The following ARNT2 variants were observed in gnomAD, a reference collection of about 807,000 sequenced individuals.
ARNT2 encodes the protein ARNT protein 2.
A neutral mutation model predicts 91.7 loss-of-function variants in ARNT2; 36 were observed. The observed-to-expected ratio is 0.39, with a 90% CI of 0.30 to 0.52. The LOEUF is 0.52. ARNT2 is among the 20% of genes least tolerant of loss of function. The pLI, the probability that ARNT2 is intolerant of heterozygous loss-of-function variation, is 0.72. For missense variants in ARNT2, 775 were observed against 939.3 expected, an observed-to-expected ratio of 0.83 and a Z score of 2.29; for synonymous variants, 365 against 347.1, an observed-to-expected ratio of 1.05 and a Z score of -0.57.
chr15:80,470,251 G>A lies in ARNT2; in HGVS notation c.228G>A (p.Arg76=), dbSNP rs758704649. 1.2e-6 allele frequency: 2 copies of A among 1,614,006 alleles called. No individual in the cohort carries two copies. The highest frequency in any genetic ancestry group is 3.3e-5 in the Admixed American group (2 of 59,994). ...ATAGTGAAATCGAAAGGCGCAGACG[G>A]AACAAGATGACTCAGTACATCACGG... The part of the protein sequence containing the change: ...ENHSEIERRR[R]NKMTQYITEL... Residue 76 remains arginine (R), a synonymous_variant, in exon 4 of 19, where the codon CGG becomes CGA. Transcript: ENST00000303329.
intron 12 of ARNT2, among the ~76,000 whole-genome samples, chr15:80,568,140 A>G (rs4778820): frequency 0.29 from 44,203 of 152,156 alleles, 7,511 homozygotes; most frequent in East Asian, 0.69. Flanking sequence ...TGTTCCATCA[A>G]ATATGGAATG....
intron 8 of ARNT2, among the ~76,000 whole-genome samples, chr15:80,544,812 A>T (rs539367140): frequency 6.8e-4 from 104 of 152,346 alleles, no homozygotes; most frequent in Non-Finnish European, 1.1e-3. Flanking sequence ...AGTTTAAATG[A>T]TGGAAGGATG....
chr15:80,581,999 G>A (rs986328782), intron 17 of ARNT2, among the ~76,000 whole-genome samples: 5 of 152,160 alleles, frequency 3.3e-5, no homozygotes, highest in South Asian at 2.1e-4. Context: ...TAAGAGACCC[G>A]TGGTCCTGGT....
intron 6 of ARNT2, among the ~76,000 whole-genome samples, chr15:80,511,751 AG>A (rs1897346098): frequency 6.6e-6 from 1 of 152,128 alleles, no homozygotes; most frequent in Non-Finnish European, 1.5e-5. Flanking sequence ...TTCCTGCCTC[AG>A]GGGGTTGGGG....
intron 1 of ARNT2, among the ~76,000 whole-genome samples, chr15:80,429,215 C>T (rs1170446984): frequency 6.6e-6 from 1 of 152,126 alleles, no homozygotes; most frequent in East Asian, 1.9e-4. Flanking sequence ...GTGGCTGGGG[C>T]CCCTAGACAG....
At chr15:80,530,424 G>T in intron 8 of ARNT2, among the ~76,000 whole-genome samples, 1 of 152,170 alleles carries the variant, frequency 6.6e-6, no homozygotes, top group Non-Finnish European at 1.5e-5. Context: ...GCCGTGTTCT[G>T]TGCTGATCTC....
At chr15:80,502,287 G>A (rs1309214204) in intron 5 of ARNT2, among the ~76,000 whole-genome samples, 1 of 152,214 alleles carries the variant, frequency 6.6e-6, no homozygotes, top group East Asian at 1.9e-4. Flanking sequence ...TGTGGCAGTG[G>A]GCATGGCTGG....
In ARNT2 at chr15:80,450,911, G is replaced by A. The variant is rs745975276; in HGVS notation, c.63G>A (p.Thr21=). 33 of 1,614,080 alleles carry A rather than the reference G, an allele frequency of 2.0e-5. No individual in the cohort carries two copies. Among genetic ancestry groups the A allele is most frequent in the African/African-American group, 6.7e-5 (5 of 74,950 alleles). The stretch of plus-strand genomic sequence containing the variant: ...CTTCAGACATACCTGGATCTGTGAC[G>A]TTGCCCGTTGCCCCCATGGCGGCCA... ...EMASDIPGSV[T]LPVAPMAATG... The change falls in exon 2 of 19, where the codon ACG becomes ACA. Residue 21 remains threonine (T), a synonymous_variant. Coordinates refer to ENST00000303329, the MANE Select transcript of ARNT2 (RefSeq NM_014862.4).
At chr15:80,570,421 G>A (rs1303662262) in intron 12 of ARNT2, among the ~76,000 whole-genome samples, 1 of 152,136 alleles carries the variant, frequency 6.6e-6, no homozygotes, top group Non-Finnish European at 1.5e-5. Context: ...AGGTGACGGT[G>A]CCCCCAAGGT....
chr15:80,435,561 T>G (rs919826122), intron 1 of ARNT2, among the ~76,000 whole-genome samples: 4 of 152,046 alleles, frequency 2.6e-5, no homozygotes, highest in Non-Finnish European at 5.9e-5. Flanking sequence ...CCATGCACAT[T>G]GCTGACCCCA....
At chr15:80,461,419 G>T (rs1056111823) in intron 3 of ARNT2, among the ~76,000 whole-genome samples, 6 of 152,228 alleles carry the variant, frequency 3.9e-5, no homozygotes, top group Admixed American at 3.9e-4. Flanking sequence ...CCGGAGGAGT[G>T]AGAAGAGAAT....
At chr15:80,408,289 T>G (rs1250688552) in intron 1 of ARNT2, among the ~76,000 whole-genome samples, 3 of 152,160 alleles carry the variant, frequency 2.0e-5, no homozygotes, top group Admixed American at 2.0e-4. Flanking sequence ...CTCAGGGGGT[T>G]CTAAGTCTAC....
intron 5 of ARNT2, among the ~76,000 whole-genome samples, chr15:80,486,502 G>A (rs926343116): frequency 3.9e-5 from 6 of 152,174 alleles, no homozygotes; most frequent in South Asian, 4.1e-4. Flanking sequence ...TGGTGGCCTC[G>A]TTGGTGCCTC....
intron 3 of ARNT2, among the ~76,000 whole-genome samples, chr15:80,461,006 T>G (rs1318185232): frequency 6.6e-6 from 1 of 152,148 alleles, no homozygotes; most frequent in Non-Finnish European, 1.5e-5. Flanking sequence ...GAGGGATTAA[T>G]TCTCGTGGCT....
intron 8 of ARNT2, among the ~76,000 whole-genome samples, chr15:80,531,239 G>A (rs1387050975): frequency 2.0e-5 from 3 of 152,236 alleles, no homozygotes; most frequent in Non-Finnish European, 2.9e-5. Flanking sequence ...CTGAGTGTTT[G>A]CACAGGGTTA....
intron 1 of ARNT2, among the ~76,000 whole-genome samples, chr15:80,416,505 A>G (rs941174040): frequency 6.6e-6 from 1 of 152,142 alleles, no homozygotes; most frequent in African/African-American, 2.4e-5. Flanking sequence ...ATTTTCACCA[A>G]TTGTTCCTCA....
chr15:80,495,590 G>C (rs34614993), intron 5 of ARNT2, among the ~76,000 whole-genome samples: 2,370 of 152,350 alleles, frequency 0.016, 32 homozygotes, highest in Middle Eastern at 0.065. Context: ...AAGGGCTGGA[G>C]GGTTTGTCAG....
At chr15:80,507,430 G>GC (rs1897290580) in intron 5 of ARNT2, among the ~76,000 whole-genome samples, 1 of 152,176 alleles carries the variant, frequency 6.6e-6, no homozygotes, top group Non-Finnish European at 1.5e-5. Flanking sequence ...CATGCAGATG[G>GC]CAGTGCCCTT....
At chr15:80,506,650 T>A (rs560592329) in intron 5 of ARNT2, among the ~76,000 whole-genome samples, 124 of 152,138 alleles carry the variant, frequency 8.2e-4, no homozygotes, top group Middle Eastern at 6.8e-3. Flanking sequence ...GCCGATTGAG[T>A]TTCGGTCAAA....
Sources: allele counts gnomAD v4.1 joint callset (sites outside exome capture counted in the v4.1 genomes callset), GRCh38; gene constraint gnomAD v4.1.1; transcripts MANE v1.5; gene names NCBI Gene and HGNC (gene_info 2026-07-23, HGNC 2026-07-21).